The following STRBP variants were observed in gnomAD, a reference collection of about 807,000 sequenced individuals.
STRBP encodes spermatid perinuclear RNA-binding protein.
In STRBP, 13 loss-of-function variants were observed where a neutral mutation model predicts 80.1. The ratio of observed to expected loss-of-function variants is 0.16; its 90% CI spans 0.11 to 0.26. The LOEUF is 0.26. Among genes scored for constraint, STRBP ranks in the 10% least tolerant of loss-of-function variants. The pLI, the probability that STRBP is intolerant of heterozygous loss-of-function variation, is 1.00. For missense variants in STRBP, 485 were observed against 815.2 expected (o/e 0.59, Z 4.93); for synonymous variants, 284 against 291.2 (o/e 0.98, Z 0.25).
intron 1 of STRBP, among the ~76,000 whole-genome samples, chr9:123,244,845 C>G (rs2040767171): frequency 1.3e-5 from 2 of 152,176 alleles, no homozygotes; most frequent in Non-Finnish European, 2.9e-5. Flanking sequence ...ATTCAAAAGC[C>G]CATCCACAAA....
chr9:123,182,971 T>C (rs1157581853), intron 3 of STRBP, among the ~76,000 whole-genome samples: 1 of 146,896 alleles, frequency 6.8e-6, no homozygotes, highest in Non-Finnish European at 1.5e-5. Flanking sequence ...GCTATGATCA[T>C]GTCACTGCAC....
Position 123,158,137 on chromosome 9 carries a change from T to C in STRBP, c.934-14A>G. The C allele has an allele frequency of 6.3e-7, 1 of 1,595,376 alleles. No individual in the cohort carries two copies. Among genetic ancestry groups the C allele is most frequent in the Non-Finnish European group, 8.6e-7 (1 of 1,164,304 alleles). ...TCTGAGTGCATGCTAAAGAACAAAG[T>C]ATTATATTTAATCACATTTCAATAG... On this transcript the variant is annotated splice_polypyrimidine_tract_variant and intron_variant, in intron 10 of 18. Transcript: ENST00000348403.
intron 11 of STRBP, among the ~76,000 whole-genome samples, chr9:123,151,649 A>G (rs1192861291): frequency 6.6e-6 from 1 of 152,240 alleles, no homozygotes; most frequent in Admixed American, 6.5e-5. Flanking sequence ...GATTATAAAC[A>G]TACAAATGTC....
At chr9:123,131,906 T>C (rs568464380) in intron 17 of STRBP, among the ~76,000 whole-genome samples, 1 of 152,356 alleles carries the variant, frequency 6.6e-6, no homozygotes, top group Non-Finnish European at 1.5e-5. Context: ...CCCTTAGGGA[T>C]GTTACCTAAA....
chr9:123,208,469 C>T (rs1180352658), intron 2 of STRBP, among the ~76,000 whole-genome samples: 1 of 152,100 alleles, frequency 6.6e-6, no homozygotes, highest in Admixed American at 6.5e-5. Context: ...AGGACTTACT[C>T]TAGTGCAGGA....
chr9:123,198,167 G>A (rs1026568617), intron 2 of STRBP, among the ~76,000 whole-genome samples: 6 of 151,718 alleles, frequency 4.0e-5, no homozygotes, highest in Non-Finnish European at 7.4e-5. Context: ...TTGAGACAGA[G>A]TCTCACTCCA....
chr9:123,193,412 G>A (rs371353339), intron 2 of STRBP, among the ~76,000 whole-genome samples: 64 of 151,986 alleles, frequency 4.2e-4, no homozygotes, highest in East Asian at 1.9e-3. Flanking sequence ...TTTCTGACTC[G>A]TCCTCCATAA....
intron 8 of STRBP, 103 bp downstream of exon 8, chr9:123,160,264 T>A: frequency 5.9e-6 from 4 of 675,736 alleles, no homozygotes; most frequent in Non-Finnish European, 9.2e-6. Flanking sequence ...ATGCATGCCT[T>A]AGCTAACTTA....
chr9:123,187,779 CCACCACA>C (rs58958999), intron 2 of STRBP, among the ~76,000 whole-genome samples: 4,407 of 148,290 alleles, frequency 0.03, 232 homozygotes, highest in African/African-American at 0.1. Flanking sequence ...CACCCACCAC[CCACCACA>C]CATAGTTTCT....
intron 13 of STRBP, among the ~76,000 whole-genome samples, chr9:123,144,092 G>A (rs977624778): frequency 1.3e-5 from 2 of 151,736 alleles, no homozygotes; most frequent in African/African-American, 4.8e-5. Flanking sequence ...CAGCTACCCA[G>A]GAGGCTGAGG....
At chr9:123,161,809 G>A (rs751760204) in intron 6 of STRBP, among the ~76,000 whole-genome samples, 18 of 152,152 alleles carry the variant, frequency 1.2e-4, no homozygotes, top group Non-Finnish European at 2.1e-4. Context: ...TGGATTAAAT[G>A]GCCCAAAGCA....
intron 2 of STRBP, among the ~76,000 whole-genome samples, chr9:123,230,276 C>T (rs1028193359): frequency 2.0e-5 from 3 of 152,146 alleles, no homozygotes; most frequent in African/African-American, 4.8e-5. Context: ...TACACTCAAG[C>T]GCAAGAAATA....
At chr9:123,251,633 C>T (rs775311507) in intron 1 of STRBP, among the ~76,000 whole-genome samples, 7 of 152,166 alleles carry the variant, frequency 4.6e-5, no homozygotes, top group Non-Finnish European at 7.4e-5. Context: ...CCAAAGTCCC[C>T]TCCATAGCTA....
At position 123,266,297 on chromosome 9, in the gene STRBP, C is replaced by A. The variant is rs557465810; in HGVS notation, c.-302+2139G>T. Among the ~76,000 whole-genome samples, 5 of 152,122 alleles carry A rather than the reference C, an allele frequency of 3.3e-5. No individual in the cohort carries two copies. The South Asian group carries it at 6.2e-4, about 19-fold the overall frequency. On this transcript the variant is annotated intron_variant, in intron 1 of 18. Transcript: ENST00000348403. The stretch of plus-strand genomic sequence containing the variant: ...TGCACTCAGCTCTCCCTTACCCCTT[C>A]CCCCTTCCTCATTTACTGGGTTCTG...
chr9:123,115,296 A>G lies in STRBP; in HGVS notation c.*84+633T>C, dbSNP rs1222946780. ...GCCTATCGCTCTTGGTAAATTACTCAGTAAGCACTTCTCTCCTGAGGCCTG... is the reference window on the plus strand; with the variant it reads ...GCCTATCGCTCTTGGTAAATTACTCGGTAAGCACTTCTCTCCTGAGGCCTG... On this transcript the variant is annotated intron_variant and NMD_transcript_variant, in intron 3 of 3. Coordinates refer to the STRBP transcript ENST00000471564. This position sits in a 1 kb window ranked among gnomAD's most constrained non-coding sequence, Gnocchi z 5.0. 8.5e-6 allele frequency: 4 copies of G among 471,090 alleles called. No homozygotes were observed. In the Admixed American group the frequency reaches 9.4e-5, roughly 11 times the overall value. The allele number at this position is 471,090 out of a possible 1,614,324, so 29.2% of individuals were successfully genotyped here. A position where few individuals can be genotyped will look rare whatever the true frequency, so the allele number is the denominator to read the frequency against.
At chr9:123,185,661 G>C (rs138481046) in intron 2 of STRBP, among the ~76,000 whole-genome samples, 1 of 152,150 alleles carries the variant, frequency 6.6e-6, no homozygotes, top group East Asian at 1.9e-4. Context: ...AAAGTCTTCA[G>C]CATCTCCCAT....
intron 11 of STRBP, among the ~76,000 whole-genome samples, chr9:123,151,081 G>A (rs1230102261): frequency 1.3e-5 from 2 of 152,208 alleles, no homozygotes; most frequent in Middle Eastern, 3.4e-3. Flanking sequence ...AAGATATCAT[G>A]ATCAAAAATC....
At chr9:123,238,730 T>C (rs182453954) in intron 1 of STRBP, among the ~76,000 whole-genome samples, 2 of 152,344 alleles carry the variant, frequency 1.3e-5, no homozygotes, top group Non-Finnish European at 2.9e-5. Flanking sequence ...TTCAGAAATT[T>C]GCCCTGTCTT....
intron 4 of STRBP, among the ~76,000 whole-genome samples, chr9:123,176,548 G>C (rs180717705): frequency 2.0e-5 from 3 of 152,282 alleles, no homozygotes; most frequent in African/African-American, 7.2e-5. Context: ...AACAGGAGTG[G>C]AGAAAGGAAG....
Sources: allele counts gnomAD v4.1 joint callset (sites outside exome capture counted in the v4.1 genomes callset), GRCh38; gene constraint gnomAD v4.1.1; non-coding constraint Gnocchi (gnomAD v3.1); transcripts MANE v1.5; gene names NCBI Gene and HGNC (gene_info 2026-07-23, HGNC 2026-07-21).